The following XKR4 variants were observed in gnomAD, a reference collection of about 807,000 sequenced individuals.
XKR4 encodes the protein XK related 4.
A neutral mutation model predicts 53.9 loss-of-function variants in XKR4; 12 were observed. The ratio of observed to expected loss-of-function variants is 0.22; its 90% CI spans 0.14 to 0.36. The LOEUF is 0.36. Ranked by LOEUF, XKR4 falls within the 10% of genes least tolerant of loss-of-function variation. The probability of loss-of-function intolerance (pLI) is 1.00; values close to 1 mark genes in which losing one functional copy is unlikely to be tolerated. For missense variants in XKR4, 799 were observed against 859.5 expected, an observed-to-expected ratio of 0.93 and a Z score of 0.88; for synonymous variants, 354 against 362.4, an observed-to-expected ratio of 0.98 and a Z score of 0.26.
At chr8:55,491,110 C>T (rs889984458) in intron 2 of XKR4, among the ~76,000 whole-genome samples, 5 of 152,110 alleles carry the variant, frequency 3.3e-5, no homozygotes, top group Admixed American at 1.3e-4. Context: ...GTCTAATATT[C>T]TGTTCTTCCA....
chr8:55,102,953 C>T lies in XKR4; in HGVS notation c.465C>T (p.Gly155=), dbSNP rs1366520739. 6 of 1,611,500 alleles carry T rather than the reference C, an allele frequency of 3.7e-6. No homozygotes were observed. Among genetic ancestry groups the T allele is most frequent in the Non-Finnish European group, 5.1e-6 (6 of 1,179,834 alleles). The part of the protein sequence containing the change: ...FGLTLFFVVL[G]SLSVQVFSFR... Reference sequence around the variant, plus strand: ...TCACGCTCTTCTTCGTGGTGCTCGGCTCTCTGTCGGTGCAAGTGTTCAGCT... The same window carrying T: ...TCACGCTCTTCTTCGTGGTGCTCGGTTCTCTGTCGGTGCAAGTGTTCAGCT... The change falls in exon 1 of 3, where the codon GGC becomes GGT. Residue 155 remains glycine (G), a synonymous_variant. Coordinates refer to ENST00000327381, the MANE Select transcript of XKR4 (RefSeq NM_052898.2). This position sits in a 1 kb window ranked among gnomAD's most constrained non-coding sequence, Gnocchi z 5.1.
intron 2 of XKR4, among the ~76,000 whole-genome samples, chr8:55,435,556 T>A (rs541202646): frequency 2.7e-5 from 4 of 148,458 alleles, no homozygotes; most frequent in East Asian, 2.1e-4. Context: ...CAACCTCTTT[T>A]TTTTTTTATT....
At chr8:55,176,826 A>G (rs1258289139) in intron 1 of XKR4, among the ~76,000 whole-genome samples, 1 of 152,070 alleles carries the variant, frequency 6.6e-6, no homozygotes, top group African/African-American at 2.4e-5. Flanking sequence ...GATGATGGTG[A>G]TAGGGTGAGC....
intron 1 of XKR4, among the ~76,000 whole-genome samples, chr8:55,113,178 A>G (rs1215837133): frequency 2.0e-5 from 3 of 152,216 alleles, no homozygotes; most frequent in African/African-American, 7.2e-5. Context: ...GGTTGGGATC[A>G]AATGAGAAAG....
intron 1 of XKR4, among the ~76,000 whole-genome samples, chr8:55,120,086 G>T (rs1816369817): frequency 6.6e-6 from 1 of 152,168 alleles, no homozygotes. Flanking sequence ...CAGAAGGAGG[G>T]TTTGTTTTCA....
intron 1 of XKR4, among the ~76,000 whole-genome samples, chr8:55,256,141 A>T (rs986301697): frequency 6.6e-6 from 1 of 152,074 alleles, no homozygotes; most frequent in Non-Finnish European, 1.5e-5. Flanking sequence ...TTCCAGGAAA[A>T]GGATACTTCA....
chr8:55,317,088 C>T (rs111246133), intron 1 of XKR4, among the ~76,000 whole-genome samples: 6 of 152,016 alleles, frequency 3.9e-5, no homozygotes, highest in African/African-American at 1.4e-4. Flanking sequence ...TTTTTTATGC[C>T]AAAGTGTACA....
chr8:55,109,116 G>A (rs573612283), intron 1 of XKR4, among the ~76,000 whole-genome samples: 2 of 152,254 alleles, frequency 1.3e-5, no homozygotes, highest in South Asian at 4.2e-4. Context: ...TTGATGGAAG[G>A]AAGAAGTTTT....
chr8:55,239,276 T>C (rs1455698102), intron 1 of XKR4, among the ~76,000 whole-genome samples: 1 of 152,198 alleles, frequency 6.6e-6, no homozygotes. Context: ...ATGAAGTATC[T>C]TGTTGTTTGG....
intron 1 of XKR4, among the ~76,000 whole-genome samples, chr8:55,205,587 G>GA (rs1397782791): frequency 6.6e-6 from 1 of 152,172 alleles, no homozygotes; most frequent in Non-Finnish European, 1.5e-5. Context: ...AATTATTAGT[G>GA]AAAAATGTGA....
chr8:55,124,908 C>A (rs1274395806), intron 1 of XKR4, among the ~76,000 whole-genome samples: 4 of 152,180 alleles, frequency 2.6e-5, no homozygotes, highest in Non-Finnish European at 4.4e-5. Flanking sequence ...AGATAACCAT[C>A]ATTTTATTCA....
chr8:55,451,996 C>A (rs1805455990), intron 2 of XKR4: 1 of 773,806 alleles, frequency 1.3e-6, no homozygotes, highest in Non-Finnish European at 2.4e-6. Context: ...TGCTGCCGCC[C>A]GATGGTCTTC....
chr8:55,215,088 A>G (rs1817782063), intron 1 of XKR4, among the ~76,000 whole-genome samples: 1 of 151,730 alleles, frequency 6.6e-6, no homozygotes, highest in South Asian at 2.1e-4. Context: ...AAAAAAAAAA[A>G]ATCCTAAAGC....
chr8:55,115,892 C>G (rs1160360001), intron 1 of XKR4, among the ~76,000 whole-genome samples: 1 of 152,156 alleles, frequency 6.6e-6, no homozygotes, highest in Non-Finnish European at 1.5e-5. Context: ...GTACTCAGAC[C>G]TTATGTCATT....
intron 1 of XKR4, among the ~76,000 whole-genome samples, chr8:55,330,043 G>A (rs1399513336): frequency 1.3e-5 from 2 of 152,178 alleles, no homozygotes; most frequent in Admixed American, 1.3e-4. Flanking sequence ...TGAATTGGGT[G>A]TGGTTATAAA....
intron 2 of XKR4, among the ~76,000 whole-genome samples, chr8:55,469,336 G>A (rs1345840717): frequency 6.6e-6 from 1 of 152,030 alleles, no homozygotes. Context: ...TCTCAGTCTG[G>A]CTTTTCACAC....
At chr8:55,190,289 C>A (rs1286373153) in intron 1 of XKR4, among the ~76,000 whole-genome samples, 1 of 152,176 alleles carries the variant, frequency 6.6e-6, no homozygotes, top group Non-Finnish European at 1.5e-5. Flanking sequence ...CGATACAGGG[C>A]AAACAATTAC....
At chr8:55,103,728 G>GA (rs562489980) in intron 1 of XKR4, among the ~76,000 whole-genome samples, 118 of 150,700 alleles carry the variant, frequency 7.8e-4, no homozygotes, top group Middle Eastern at 3.4e-3. Context: ...GTTCCCTGGG[G>GA]AAAAAAAATT....
chr8:55,331,510 T>C (rs544632523), intron 1 of XKR4, among the ~76,000 whole-genome samples: 1 of 152,332 alleles, frequency 6.6e-6, no homozygotes, highest in African/African-American at 2.4e-5. Flanking sequence ...TGTTCATCTT[T>C]TTTTTAGTGC....
Sources: allele counts gnomAD v4.1 joint callset (sites outside exome capture counted in the v4.1 genomes callset), GRCh38; gene constraint gnomAD v4.1.1; non-coding constraint Gnocchi (gnomAD v3.1); transcripts MANE v1.5; gene names NCBI Gene and HGNC (gene_info 2026-07-23, HGNC 2026-07-21).